FZD3: variants seen among roughly 807,000 people sequenced by gnomAD.
FZD3 encodes the protein frizzled-3.
Under a neutral mutation model 60.7 loss-of-function variants are expected in FZD3, and 30 were observed. That is an observed-to-expected ratio of 0.49 (90% confidence interval 0.37 to 0.67). The LOEUF is 0.67. Among genes scored for constraint, FZD3 ranks in the 30% least tolerant of loss-of-function variants. FZD3 has a pLI of 0.00. For synonymous variants in FZD3, 246 were observed against 275.2 expected (o/e 0.89, Z 1.05); for missense variants, 605 against 838.7 (o/e 0.72, Z 3.44).
In FZD3 at chr8:28,567,682, C is replaced by T. The variant is rs1472754668; in HGVS notation, c.*4671C>T. ...AATAACAACAAAATAGGCAATTAGACCAGTGTTCATTTGGTACAGTCTTTA... is the reference window on the plus strand; with the variant it reads ...AATAACAACAAAATAGGCAATTAGATCAGTGTTCATTTGGTACAGTCTTTA... On this transcript the variant is annotated 3_prime_UTR_variant, in exon 8 of 8. Transcript: ENST00000240093. 6.6e-6 allele frequency: 1 copy of T among 152,100 alleles called. No individual in the cohort carries two copies. Among genetic ancestry groups the T allele is most frequent in the African/African-American group, 2.4e-5 (1 of 41,418 alleles). 9.4% of individuals were successfully genotyped at this position (152,100 alleles called of 1,614,324 possible).
At chr8:28,534,585 A>G in intron 5 of FZD3, among the ~76,000 whole-genome samples, 1 of 151,908 alleles carries the variant, frequency 6.6e-6, no homozygotes, top group East Asian at 1.9e-4. Context: ...AATCAGTGAG[A>G]CTCTGTACCC....
At chr8:28,503,266 A>T (rs1804047550) in intron 3 of FZD3, 64 bp downstream of exon 3, 2 of 882,856 alleles carry the variant, frequency 2.3e-6, no homozygotes, top group Admixed American at 2.2e-5. Context: ...CCATCAGCCA[A>T]TCTAATGAAT....
rs546069517 is a variant in FZD3, at chr8:28,510,709, A to G, written c.189+7507A>G. Among the ~76,000 whole-genome samples, 5 of 152,314 alleles carry G rather than the reference A, an allele frequency of 3.3e-5. No homozygotes were observed. In the South Asian group the frequency reaches 1.0e-3, roughly 32 times the overall value. ...CCATCATTAGAATAGAATTGGTTATAAGGATCAAACGAGATATGTGAAAAT... is the reference window on the plus strand; with the variant it reads ...CCATCATTAGAATAGAATTGGTTATGAGGATCAAACGAGATATGTGAAAAT... On this transcript the variant is annotated intron_variant, in intron 3 of 7. Coordinates refer to ENST00000240093, the MANE Select transcript of FZD3 (RefSeq NM_017412.4).
At chr8:28,494,740 C>T (rs1469101703) in intron 1 of FZD3, among the ~76,000 whole-genome samples, 3 of 151,990 alleles carry the variant, frequency 2.0e-5, no homozygotes, top group African/African-American at 7.2e-5. Context: ...TCTACCCCGG[C>T]TCAGACCCTG....
intron 5 of FZD3, among the ~76,000 whole-genome samples, chr8:28,528,947 G>A (rs544265585): frequency 2.0e-5 from 3 of 151,934 alleles, no homozygotes; most frequent in African/African-American, 7.3e-5. Context: ...TTATTATTTA[G>A]AAACAGAGTC....
At chr8:28,533,482 A>C (rs1163353245) in intron 5 of FZD3, among the ~76,000 whole-genome samples, 2 of 152,236 alleles carry the variant, frequency 1.3e-5, no homozygotes, top group African/African-American at 2.4e-5. Flanking sequence ...AAATACATTT[A>C]ATAGTTACTT....
chr8:28,572,122 T>A lies in FZD3; in HGVS notation c.*9111T>A, dbSNP rs1805817490. ...AGATTATCGCGGTCATCTCGGCATG[T>A]GGATCGCTCCTCCTGTAGATCAGCT... is the stretch of plus-strand genomic sequence containing the variant. On this transcript the variant is annotated 3_prime_UTR_variant, in exon 8 of 8. Coordinates refer to ENST00000240093, the MANE Select transcript of FZD3 (RefSeq NM_017412.4). The A allele has an allele frequency of 6.6e-6, 1 of 152,166 alleles. No homozygotes were observed. The highest frequency in any genetic ancestry group is 6.5e-5 in the Admixed American group (1 of 15,280). 9.4% of individuals were successfully genotyped at this position (152,166 alleles called of 1,614,324 possible). A position where few individuals can be genotyped will look rare whatever the true frequency, so the allele number is the denominator to read the frequency against.
intron 4 of FZD3, among the ~76,000 whole-genome samples, chr8:28,521,058 G>T (rs1489078984): frequency 2.0e-5 from 3 of 152,034 alleles, no homozygotes; most frequent in Non-Finnish European, 4.4e-5. Context: ...AAAGACTTAA[G>T]AATTACATAA....
chr8:28,541,402 G>T (rs1012546441), intron 5 of FZD3, among the ~76,000 whole-genome samples: 2 of 152,168 alleles, frequency 1.3e-5, no homozygotes, highest in Non-Finnish European at 2.9e-5. Flanking sequence ...AAATCTTCTT[G>T]CCTAATTGGA....
chr8:28,555,674 A>G, intron 6 of FZD3, 64 bp from the exon 7 acceptor site: 1 of 871,204 alleles, frequency 1.1e-6, no homozygotes, highest in Non-Finnish European at 1.9e-6. Flanking sequence ...GTTTCAGAGA[A>G]GTATTGCTTA....
In FZD3 at chr8:28,503,004, C is replaced by T. The variant is rs377704721; in HGVS notation, c.-10C>T. On this transcript the variant is annotated 5_prime_UTR_variant, in exon 3 of 8. Transcript: ENST00000240093. Reference sequence around the variant, plus strand: ...CCTGATCATCTGAATCTCCTTCAGACCCAGGAAGGATGGCTATGACTTGGA... The same window carrying T: ...CCTGATCATCTGAATCTCCTTCAGATCCAGGAAGGATGGCTATGACTTGGA... The T allele has an allele frequency of 1.2e-6, 2 of 1,601,894 alleles. No individual in the cohort carries two copies. The highest frequency in any genetic ancestry group is 1.3e-5 in the African/African-American group (1 of 74,662).
chr8:28,530,129 G>GTGTC (rs1804828111), intron 5 of FZD3, among the ~76,000 whole-genome samples: 2 of 118,530 alleles, frequency 1.7e-5, no homozygotes, highest in South Asian at 5.5e-4. Context: ...GTGTGTGTGT[G>GTGTC]TGTGTGTGTG....
rs1804186126 is a variant in FZD3, at chr8:28,508,004, A to G, written c.189+4802A>G. Among the ~76,000 whole-genome samples the G allele has an allele frequency of 2.0e-5, 3 of 151,896 alleles. No individual in the cohort carries two copies. The South Asian group carries it at 6.2e-4, about 32-fold the overall frequency. ...GCTCCTAAGCTCAAACAATCCCCCT[A>G]CCTCAGCCTCCAAAGTAGGTTCTAC... On this transcript the variant is annotated intron_variant, in intron 3 of 7. Coordinates refer to ENST00000240093, the MANE Select transcript of FZD3 (RefSeq NM_017412.4).
At chr8:28,522,056 T>G (rs920606115) in intron 4 of FZD3, among the ~76,000 whole-genome samples, 1 of 152,102 alleles carries the variant, frequency 6.6e-6, no homozygotes, top group African/African-American at 2.4e-5. Context: ...TATGTGACTT[T>G]AAGCACAGTG....
rs1804034630 is a variant in FZD3 at position 28,502,912 on chromosome 8, T to A, written c.-102T>A. 1 of 702,482 alleles carries A rather than the reference T, an allele frequency of 1.4e-6. No individual in the cohort carries two copies. Among genetic ancestry groups the A allele is most frequent in the Non-Finnish European group, 2.4e-6 (1 of 412,900 alleles). 43.5% of individuals were successfully genotyped at this position (702,482 alleles called of 1,614,324 possible). A position where few individuals can be genotyped will look rare whatever the true frequency, so the allele number is the denominator to read the frequency against. ...CTGTTTGAAGAATTTAACAGTAAGA[T>A]ACAGAAGAAGTACCTTCGAGCTGAG... On this transcript the variant is annotated 5_prime_UTR_variant, in exon 3 of 8. Transcript: ENST00000240093.
At chr8:28,504,005 C>T (rs888328344) in intron 3 of FZD3, among the ~76,000 whole-genome samples, 5 of 152,108 alleles carry the variant, frequency 3.3e-5, no homozygotes, top group Non-Finnish European at 7.4e-5. Context: ...CTCATATTAA[C>T]GTGGTTACAT....
At chr8:28,546,340 G>A (rs1805292250) in intron 5 of FZD3, among the ~76,000 whole-genome samples, 2 of 152,260 alleles carry the variant, frequency 1.3e-5, no homozygotes, top group South Asian at 2.1e-4. Context: ...CATCGAAATA[G>A]GCAGATGCTG....
intron 3 of FZD3, among the ~76,000 whole-genome samples, chr8:28,518,554 A>G (rs578225589): frequency 2.0e-5 from 3 of 152,282 alleles, no homozygotes; most frequent in South Asian, 2.1e-4. Context: ...AAGACTGCCA[A>G]AATCTCTACT....
rs1387884556 is a variant in FZD3, at chr8:28,569,049, G to A, written c.*6038G>A. 6.6e-6 allele frequency: 1 copy of A among 151,780 alleles called. No individual in the cohort carries two copies. Among genetic ancestry groups the A allele is most frequent in the East Asian group, 1.9e-4 (1 of 5,198 alleles). The allele number at this position is 151,780 out of a possible 1,614,324, so 9.4% of individuals were successfully genotyped here. A position where few individuals can be genotyped will look rare whatever the true frequency, so the allele number is the denominator to read the frequency against. On this transcript the variant is annotated 3_prime_UTR_variant, in exon 8 of 8. Coordinates refer to ENST00000240093, the MANE Select transcript of FZD3 (RefSeq NM_017412.4). ...AGTTAGTTTTTAAAGTTTTTTTAAGGTTGATATTTTATCATATTCCTGGAG... is the reference window on the plus strand; with the variant it reads ...AGTTAGTTTTTAAAGTTTTTTTAAGATTGATATTTTATCATATTCCTGGAG...
Sources: allele counts gnomAD v4.1 joint callset (sites outside exome capture counted in the v4.1 genomes callset), GRCh38; gene constraint gnomAD v4.1.1; transcripts MANE v1.5; gene names NCBI Gene and HGNC (gene_info 2026-07-23, HGNC 2026-07-21).